Variants in GDPD1 observed in about 807,000 individuals in gnomAD.
GDPD1 encodes lysophospholipase D GDPD1.
Under a neutral mutation model 45.1 loss-of-function variants are expected in GDPD1, and 28 were observed. The observed-to-expected ratio is 0.62, with a 90% CI of 0.46 to 0.85. The LOEUF (loss-of-function observed/expected upper bound fraction) is 0.85. Among genes scored for constraint, GDPD1 ranks in the 40% least tolerant of loss-of-function variants. The pLI is 0.00. For synonymous variants in GDPD1, 139 were observed against 131.4 expected (o/e 1.06, Z -0.40); for missense variants, 256 against 364.8 (o/e 0.70, Z 2.43).
intron 4 of GDPD1, among the ~76,000 whole-genome samples, chr17:59,253,567 C>T (rs914460454): frequency 1.3e-5 from 2 of 152,162 alleles, no homozygotes; most frequent in Non-Finnish European, 2.9e-5. Flanking sequence ...TTAGTTTTCT[C>T]ATTCTCTCGC....
chr17:59,268,473 G>T (rs1006603391), intron 7 of GDPD1, among the ~76,000 whole-genome samples: 1 of 151,170 alleles, frequency 6.6e-6, no homozygotes, highest in Non-Finnish European at 1.5e-5. Flanking sequence ...CAGCTACTCC[G>T]GAGGCTGAGG....
At chr17:59,269,475 AC>A (rs201819855) in intron 7 of GDPD1, among the ~76,000 whole-genome samples, 11,752 of 119,766 alleles carry the variant, frequency 0.098, 827 homozygotes, top group African/African-American at 0.19. Context: ...CTTCTTGTCT[AC>A]CCCCCCCCCC....
chr17:59,242,273 G>T (rs1377861742), intron 2 of GDPD1, among the ~76,000 whole-genome samples: 1 of 152,190 alleles, frequency 6.6e-6, no homozygotes, highest in Non-Finnish European at 1.5e-5. Flanking sequence ...ATGTTGGCCA[G>T]GCTGGCCTTG....
intron 1 of GDPD1, among the ~76,000 whole-genome samples, chr17:59,228,347 A>C (rs2047063816): frequency 6.6e-6 from 1 of 152,166 alleles, no homozygotes; most frequent in African/African-American, 2.4e-5. Context: ...CCACTAGACT[A>C]TACTGCCTTC....
chr17:59,241,300 T>C (rs1466167706), intron 2 of GDPD1, among the ~76,000 whole-genome samples: 2 of 152,170 alleles, frequency 1.3e-5, no homozygotes, highest in Non-Finnish European at 2.9e-5. Flanking sequence ...ATAAGAATCA[T>C]GTGAGCTAGT....
At chr17:59,260,446 G>A (rs1045360844) in intron 6 of GDPD1, among the ~76,000 whole-genome samples, 4 of 152,020 alleles carry the variant, frequency 2.6e-5, no homozygotes, top group African/African-American at 9.7e-5. Flanking sequence ...GGAGGCTGAG[G>A]CAGGAGAATG....
intron 3 of GDPD1, among the ~76,000 whole-genome samples, chr17:59,248,011 T>C (rs1035860650): frequency 1.3e-5 from 2 of 151,928 alleles, no homozygotes; most frequent in Non-Finnish European, 2.9e-5. Flanking sequence ...GATATATAAA[T>C]ATTTGTATTT....
intron 1 of GDPD1, among the ~76,000 whole-genome samples, chr17:59,226,103 A>G (rs1027064630): frequency 4.1e-4 from 62 of 152,296 alleles, no homozygotes; most frequent in African/African-American, 1.5e-3. Context: ...AGATTTGTCC[A>G]GTGAGAGGTC....
intron 9 of GDPD1, among the ~76,000 whole-genome samples, chr17:59,273,191 A>G (rs932458171): frequency 7.4e-5 from 11 of 149,628 alleles, no homozygotes; most frequent in Non-Finnish European, 4.4e-5. Context: ...GCAGTGGTGC[A>G]GTCTTGACTC....
chr17:59,256,843 C>G (rs901651164), intron 4 of GDPD1, among the ~76,000 whole-genome samples: 1 of 152,028 alleles, frequency 6.6e-6, no homozygotes, highest in Non-Finnish European at 1.5e-5. Context: ...AGTAAATCAA[C>G]AGGAAAATAT....
chr17:59,249,127 C>T (rs73321289), intron 4 of GDPD1: 16,744 of 161,344 alleles, frequency 0.1, 2,161 homozygotes, highest in African/African-American at 0.31. Flanking sequence ...CACAGTGGCT[C>T]ACGACTGTAA....
chr17:59,268,596 A>AAAG (rs1555725464), intron 7 of GDPD1, among the ~76,000 whole-genome samples: 52 of 144,518 alleles, frequency 3.6e-4, no homozygotes, highest in African/African-American at 8.8e-4. Context: ...AAAAAAAAAA[A>AAAG]AAAAAAGAAA....
intron 1 of GDPD1, among the ~76,000 whole-genome samples, chr17:59,226,507 G>C (rs550684521): frequency 1.8e-4 from 27 of 152,176 alleles, no homozygotes; most frequent in African/African-American, 6.3e-4. Context: ...TAAAGCTAAT[G>C]TATTTGTTTC....
chr17:59,224,642 A>G (rs1408315010), intron 1 of GDPD1, among the ~76,000 whole-genome samples: 2 of 124,534 alleles, frequency 1.6e-5, no homozygotes, highest in African/African-American at 2.6e-5. Context: ...AAAAAAAACA[A>G]AAAACAAAAA....
chr17:59,222,505 C>CT (rs149536097), intron 1 of GDPD1, among the ~76,000 whole-genome samples: 991 of 41,734 alleles, frequency 0.024, 196 homozygotes, highest in Non-Finnish European at 0.038. Context: ...AGTGCCCAGC[C>CT]TTTTTTTTTT....
chr17:59,236,427 T>C (rs2047132405), intron 2 of GDPD1, among the ~76,000 whole-genome samples: 1 of 152,128 alleles, frequency 6.6e-6, no homozygotes, highest in Non-Finnish European at 1.5e-5. Flanking sequence ...AAAAAATTTT[T>C]TGGAGATTTT....
chr17:59,247,364 CTG>C (rs1024797515), intron 3 of GDPD1, among the ~76,000 whole-genome samples: 2 of 152,136 alleles, frequency 1.3e-5, no homozygotes, highest in Non-Finnish European at 2.9e-5. Context: ...TCTAAACATT[CTG>C]TGTTCTGCCT....
At chr17:59,260,774 C>T (rs1597987204) in intron 6 of GDPD1, 2 of 152,096 alleles carry the variant, frequency 1.3e-5, no homozygotes, top group Admixed American at 1.3e-4. Context: ...ATGGTGTTTA[C>T]AATTAATTGA....
In GDPD1 at chr17:59,257,846, C is replaced by T. The variant is rs768825987; in HGVS notation, c.576+6C>T. On this transcript the variant is annotated splice_donor_region_variant and intron_variant, in intron 6 of 9. Transcript: ENST00000284116. ...TAGAAAAGTGCTACAAAGAGGTAAG[C>T]TTCAAAAATGATACAGAATTATCTA... is the stretch of plus-strand genomic sequence containing the variant. The T allele has an allele frequency of 1.4e-5, 22 of 1,527,568 alleles. No homozygotes were observed. In the South Asian group the frequency reaches 2.3e-4, roughly 16 times the overall value. The allele number at this position is 1,527,568 out of a possible 1,614,324, so 94.6% of individuals were successfully genotyped here. A position where few individuals can be genotyped will look rare whatever the true frequency, so the allele number is the denominator to read the frequency against.
Sources: allele counts gnomAD v4.1 joint callset (sites outside exome capture counted in the v4.1 genomes callset), GRCh38; gene constraint gnomAD v4.1.1; transcripts MANE v1.5; gene names NCBI Gene and HGNC (gene_info 2026-07-23, HGNC 2026-07-21).